NEMF: variants seen among roughly 807,000 people sequenced by gnomAD.
The protein encoded by NEMF is ribosome quality control complex subunit NEMF.
Under a neutral mutation model 162.2 loss-of-function variants are expected in NEMF, and 89 were observed. The ratio of observed to expected loss-of-function variants is 0.55; its 90% CI spans 0.46 to 0.65. The LOEUF is 0.65. Ranked by LOEUF, NEMF falls within the 30% of genes least tolerant of loss-of-function variation. NEMF has a pLI of 0.00. For synonymous variants in NEMF, 421 were observed against 404.5 expected (o/e 1.04, Z -0.49); for missense variants, 1,133 against 1,261.9 (o/e 0.90, Z 1.55).
At chr14:49,847,290 C>CT (rs980500768) in intron 3 of NEMF, among the ~76,000 whole-genome samples, 1 of 152,080 alleles carries the variant, frequency 6.6e-6, no homozygotes. Flanking sequence ...CAACTTCTGC[C>CT]TCCCAGGTTC....
Position 49,851,633 on chromosome 14 carries a change from G to T in NEMF, c.161C>A (p.Ser54Tyr), listed in dbSNP as rs2168538. 3 of 1,613,940 alleles carry T rather than the reference G, an allele frequency of 1.9e-6. No homozygotes were observed. The highest frequency in any genetic ancestry group is 2.5e-6 in the Non-Finnish European group (3 of 1,179,894). Reference protein sequence around the residue: ...PDFKATLLLESGIRIHTTEFE... With the variant: ...PDFKATLLLEYGIRIHTTEFE... ...TTCTGTTGTATGAATTCGTATGCCA[G>T]ATTCAAGTAAAAGTGTAGCTTTAAA... The change falls in exon 3 of 33, where the codon TCT (serine) becomes TAT (tyrosine). Residue 54 changes from serine to tyrosine, a missense_variant. Coordinates refer to ENST00000298310, the MANE Select transcript of NEMF (RefSeq NM_004713.6).
At chr14:49,851,257 A>AT (rs1352420786) in intron 3 of NEMF, among the ~76,000 whole-genome samples, 1 of 152,246 alleles carries the variant, frequency 6.6e-6, no homozygotes, top group Non-Finnish European at 1.5e-5. Flanking sequence ...CGTTGGTCTA[A>AT]TTTAGAATTG....
chr14:49,820,792 AT>A (rs1891970470), intron 16 of NEMF, among the ~76,000 whole-genome samples: 1 of 151,522 alleles, frequency 6.6e-6, no homozygotes, highest in South Asian at 2.1e-4. Context: ...TGGTTTTCGT[AT>A]TTTTTTGGTG....
chr14:49,826,105 T>C (rs1215689678), intron 15 of NEMF, 150 bp from the exon 16 acceptor site: 1 of 534,330 alleles, frequency 1.9e-6, no homozygotes, highest in Non-Finnish European at 3.3e-6. Context: ...CAAATACGCA[T>C]ACTTGAAAGT....
intron 22 of NEMF, 68 bp downstream of exon 22, chr14:49,802,385 A>C (rs1369762845): frequency 1.3e-5 from 19 of 1,518,952 alleles, no homozygotes; most frequent in Non-Finnish European, 1.5e-5. Context: ...ATGATCTTCT[A>C]AGGATTTAGA....
At position 49,783,589 on chromosome 14, in the gene NEMF, T is replaced by A. The variant is rs1353180244; in HGVS notation, c.*1047A>T. The A allele has an allele frequency of 6.6e-6, 1 of 152,134 alleles. No homozygotes were observed. Among genetic ancestry groups the A allele is most frequent in the Admixed American group, 6.6e-5 (1 of 15,260 alleles). The allele number at this position is 152,134 out of a possible 1,614,324, so 9.4% of individuals were successfully genotyped here. A position where few individuals can be genotyped will look rare whatever the true frequency, so the allele number is the denominator to read the frequency against. On this transcript the variant is annotated 3_prime_UTR_variant, in exon 33 of 33. Transcript: ENST00000298310. ...TGAAGGAATGGAAATAATGATGACATCATTTTCCATTCTGTTAAGAGACAG... is the reference window on the plus strand; with the variant it reads ...TGAAGGAATGGAAATAATGATGACAACATTTTCCATTCTGTTAAGAGACAG...
At chr14:49,845,450 T>C (rs1465796789) in intron 4 of NEMF, among the ~76,000 whole-genome samples, 1 of 152,212 alleles carries the variant, frequency 6.6e-6, no homozygotes. Context: ...AAGATGTTTT[T>C]CTTTCTTCAA....
At chr14:49,786,970 C>T (rs1418541925) in intron 28 of NEMF, 2 of 480,388 alleles carry the variant, frequency 4.2e-6, no homozygotes, top group Non-Finnish European at 7.4e-6. Context: ...TAATGTCATT[C>T]AAGAGAAGAA....
intron 7 of NEMF, chr14:49,834,084 A>G: frequency 1.9e-6 from 1 of 522,564 alleles, no homozygotes; most frequent in South Asian, 1.6e-5. Context: ...GAGAGTGGTG[A>G]TACTTGTTTT....
chr14:49,834,079 T>C (rs1467203939), intron 7 of NEMF: 2 of 510,996 alleles, frequency 3.9e-6, no homozygotes, highest in Non-Finnish European at 7.4e-6. Context: ...TTTTTGAGAG[T>C]GGTGATACTT....
Position 49,783,742 on chromosome 14 carries a change from G to GAATC in NEMF, c.*890_*893dup, listed in dbSNP as rs1890026932. On this transcript the variant is annotated 3_prime_UTR_variant, in exon 33 of 33. Transcript: ENST00000298310. ...GTGGAAATTAAAATGGTACAGAACT[G>GAATC]AATCAGATTACAAGGAAAAAATTAA... 6.6e-6 allele frequency: 1 copy of GAATC among 151,998 alleles called. No individual in the cohort carries two copies. The highest frequency in any genetic ancestry group is 1.5e-5 in the Non-Finnish European group (1 of 67,992). The allele number at this position is 151,998 out of a possible 1,614,324, so 9.4% of individuals were successfully genotyped here. A position where few individuals can be genotyped will look rare whatever the true frequency, so the allele number is the denominator to read the frequency against.
At chr14:49,824,912 G>A (rs537451121) in intron 16 of NEMF, among the ~76,000 whole-genome samples, 3 of 152,288 alleles carry the variant, frequency 2.0e-5, no homozygotes, top group African/African-American at 7.2e-5. Context: ...AAAAGTGTAC[G>A]ATGCTTAGAG....
intron 18 of NEMF, among the ~76,000 whole-genome samples, chr14:49,810,724 C>G (rs1408990650): frequency 6.6e-6 from 1 of 152,204 alleles, no homozygotes; most frequent in Non-Finnish European, 1.5e-5. Context: ...GGGGCAGTGG[C>G]TCATGCCTGT....
intron 25 of NEMF, 51 bp downstream of exon 25, chr14:49,799,423 TA>T (rs1334935464): frequency 8.9e-3 from 10,775 of 1,214,216 alleles, no homozygotes; most frequent in South Asian, 0.012. Flanking sequence ...AGCTATCAAT[TA>T]AAAAAAAAAG....
In NEMF at chr14:49,814,100, T is replaced by C. The variant is rs550628934; in HGVS notation, c.1682-50A>G. On this transcript the variant is annotated intron_variant, in intron 17 of 32. Transcript: ENST00000298310. ...GACACTTTAAGTCCTAATTATTCTT[T>C]TTTCCTTTTTTTTTTTTCAGATGGA... is the stretch of plus-strand genomic sequence containing the variant. 15 of 1,136,544 alleles carry C rather than the reference T, an allele frequency of 1.3e-5. No individual in the cohort carries two copies. The East Asian group carries it at 3.5e-4, about 27-fold the overall frequency. 70.4% of individuals were successfully genotyped at this position (1,136,544 alleles called of 1,614,324 possible). A position where few individuals can be genotyped will look rare whatever the true frequency, so the allele number is the denominator to read the frequency against.
Position 49,789,276 on chromosome 14 carries a change from A to C in NEMF, c.2765T>G (p.Val922Gly). The C allele has an allele frequency of 6.2e-7, 1 of 1,614,154 alleles. No homozygotes were observed. The highest frequency in any genetic ancestry group is 1.6e-4 in the Middle Eastern group (1 of 6,062). ...TCTAGGTTTCTGGGGCTGTTTCTTC[A>C]CAGGTTCGTCCTTTGTTTTTCCTTT... ...GKKGKTKDEPVKKQPQKPRGG... is the reference protein window; with the variant it reads ...GKKGKTKDEPGKKQPQKPRGG... The change falls in exon 28 of 33, where the codon GTG (valine) becomes GGG (glycine). Residue 922 changes from valine to glycine, a missense_variant. Transcript: ENST00000298310.
At chr14:49,849,756 A>T (rs1258676306) in intron 3 of NEMF, 1 of 152,246 alleles carries the variant, frequency 6.6e-6, no homozygotes, top group African/African-American at 2.4e-5. Context: ...TAAACAACTT[A>T]AATGAAATAC....
Position 49,784,651 on chromosome 14 carries a change from G to A in NEMF, c.3216C>T (p.Asn1072=), listed in dbSNP as rs10143621. The change falls in exon 33 of 33, where the codon AAC becomes AAT. Residue 1072 remains asparagine (N), a synonymous_variant. Coordinates refer to ENST00000298310, the MANE Select transcript of NEMF (RefSeq NM_004713.6). ...TTCATTTCAGCTATTTCCTTTTTACGTTCAGAAGATTGGGTGCAGACACTT... is the reference window on the plus strand; with the variant it reads ...TTCATTTCAGCTATTTCCTTTTTACATTCAGAAGATTGGGTGCAGACACTT... ...KVKVSAPNLL[N]VKRK 6.0e-3 allele frequency: 9,699 copies of A among 1,608,180 alleles called. 525 individuals are homozygous for A. In the African/African-American group the frequency reaches 0.11, roughly 18 times the overall value.
chr14:49,821,671 T>C (rs1438007698), intron 16 of NEMF, among the ~76,000 whole-genome samples: 1 of 126,672 alleles, frequency 7.9e-6, no homozygotes, highest in East Asian at 2.4e-4. Context: ...AGCCGCCCCG[T>C]CCGGGAGGGA....
Sources: gnomAD v4.1 joint callset for allele counts (sites outside exome capture counted in the v4.1 genomes callset) on GRCh38, gnomAD v4.1.1 for gene constraint, MANE v1.5 for transcripts, NCBI Gene and HGNC (gene_info 2026-07-23, HGNC 2026-07-21) for gene names.